The following LAMA2 variants were observed in gnomAD, a reference collection of about 807,000 sequenced individuals.
The protein encoded by LAMA2 is laminin subunit alpha-2.
Under a neutral mutation model 364.8 loss-of-function variants are expected in LAMA2, and 269 were observed. The observed-to-expected ratio is 0.74, with a 90% CI of 0.67 to 0.82. The LOEUF is 0.82. Among genes scored for constraint, LAMA2 ranks in the 40% least tolerant of loss-of-function variants. LAMA2 has a pLI of 0.00. For synonymous variants in LAMA2, 1,379 were observed against 1,370.6 expected (o/e 1.01, Z -0.14); for missense variants, 3,807 against 3,873.2 (o/e 0.98, Z 0.45).
At chr6:128,951,945 G>T (rs547008214) in intron 1 of LAMA2, among the ~76,000 whole-genome samples, 1 of 152,098 alleles carries the variant, frequency 6.6e-6, no homozygotes, top group Non-Finnish European at 1.5e-5. Flanking sequence ...CAGGAGGATC[G>T]CTTGAGGCCA....
chr6:129,065,413 C>T (rs1270008339), intron 3 of LAMA2, among the ~76,000 whole-genome samples: 2 of 151,838 alleles, frequency 1.3e-5, no homozygotes, highest in Non-Finnish European at 2.9e-5. Context: ...CCAGAGAAAT[C>T]AGGCAAAAAA....
intron 20 of LAMA2, among the ~76,000 whole-genome samples, chr6:129,293,517 C>G (rs1033290929): frequency 6.6e-6 from 1 of 152,194 alleles, no homozygotes; most frequent in African/African-American, 2.4e-5. Context: ...ATTTCCACAT[C>G]AATTGTGCTT....
At chr6:129,469,726 A>ATT (rs969231042) in intron 51 of LAMA2, among the ~76,000 whole-genome samples, 1 of 151,874 alleles carries the variant, frequency 6.6e-6, no homozygotes, top group Non-Finnish European at 1.5e-5. Context: ...ATATACATAA[A>ATT]TTGTGGTATA....
At chr6:129,284,208 T>C (rs1788936843) in intron 18 of LAMA2, among the ~76,000 whole-genome samples, 1 of 148,850 alleles carries the variant, frequency 6.7e-6, no homozygotes, top group Non-Finnish European at 1.5e-5. Context: ...CGCCTCTTTA[T>C]ACAGCAGCCA....
At chr6:129,436,856 T>C (rs1211862908) in intron 41 of LAMA2, 2 of 152,194 alleles carry the variant, frequency 1.3e-5, no homozygotes, top group Non-Finnish European at 2.9e-5. Flanking sequence ...CGTATTCTTA[T>C]ATTTTCCTCA....
intron 1 of LAMA2, among the ~76,000 whole-genome samples, chr6:129,032,276 T>C (rs539703290): frequency 1.3e-5 from 2 of 152,228 alleles, no homozygotes; most frequent in Non-Finnish European, 2.9e-5. Flanking sequence ...TAGATAATTA[T>C]CATTTAAAAT....
chr6:128,896,052 T>A (rs926528754), intron 1 of LAMA2, among the ~76,000 whole-genome samples: 4 of 152,198 alleles, frequency 2.6e-5, no homozygotes, highest in Non-Finnish European at 5.9e-5. Flanking sequence ...AAGGGCCTCA[T>A]ACTGCTCTGA....
At chr6:129,037,616 G>A (rs1013226685) in intron 1 of LAMA2, among the ~76,000 whole-genome samples, 1 of 151,722 alleles carries the variant, frequency 6.6e-6, no homozygotes, top group Non-Finnish European at 1.5e-5. Flanking sequence ...ATAATAATAT[G>A]CCAAGTACGG....
intron 18 of LAMA2, among the ~76,000 whole-genome samples, chr6:129,280,671 T>C (rs746125625): frequency 2.2e-4 from 33 of 152,218 alleles, no homozygotes; most frequent in Non-Finnish European, 4.3e-4. Context: ...TTGATTTTAC[T>C]GGGTTGCTTT....
chr6:129,476,466 G>A (rs1784071869), intron 53 of LAMA2, among the ~76,000 whole-genome samples: 3 of 152,128 alleles, frequency 2.0e-5, no homozygotes, highest in African/African-American at 7.2e-5. Flanking sequence ...TTGCCTTTGA[G>A]TGGTGACCCT....
chr6:129,438,914 A>C (rs1234416216), intron 42 of LAMA2, 152 bp downstream of exon 42: 39 of 651,990 alleles, frequency 6.0e-5, no homozygotes, highest in Non-Finnish European at 2.8e-6. Flanking sequence ...CTTTGTGAGA[A>C]TGAGAAACTA....
intron 10 of LAMA2, among the ~76,000 whole-genome samples, chr6:129,183,897 C>A (rs1335535000): frequency 6.6e-6 from 1 of 151,770 alleles, no homozygotes; most frequent in Non-Finnish European, 1.5e-5. Context: ...ATGACTCATA[C>A]AAAAGAAAGA....
intron 22 of LAMA2, among the ~76,000 whole-genome samples, chr6:129,311,334 G>A (rs982280882): frequency 9.2e-5 from 14 of 151,940 alleles, no homozygotes; most frequent in Admixed American, 6.6e-5. Flanking sequence ...TGTTAGCCAG[G>A]ACGGTCTCAA....
intron 40 of LAMA2, among the ~76,000 whole-genome samples, chr6:129,406,758 TA>T (rs2114703139): frequency 6.6e-6 from 1 of 152,240 alleles, no homozygotes; most frequent in African/African-American, 2.4e-5. Context: ...ACAGAACTAA[TA>T]GGATAGATGT....
In LAMA2 at chr6:129,383,236, A is replaced by G; in HGVS notation, c.5071+3A>G. Reference sequence around the variant, plus strand: ...GGAGCTTGCCCGGGATGCAGAAGGTATTAGAAAGAATCACATTTTAATCAT... The same window carrying G: ...GGAGCTTGCCCGGGATGCAGAAGGTGTTAGAAAGAATCACATTTTAATCAT... On this transcript the variant is annotated splice_donor_region_variant and intron_variant, in intron 35 of 64. Coordinates refer to ENST00000421865, the MANE Select transcript of LAMA2 (RefSeq NM_000426.4). 6.3e-7 allele frequency: 1 copy of G among 1,595,428 alleles called. No individual in the cohort carries two copies. The highest frequency in any genetic ancestry group is 8.6e-7 in the Non-Finnish European group (1 of 1,164,232).
chr6:129,427,896 G>T (rs777635026), intron 41 of LAMA2, 42 bp downstream of exon 41: 8 of 1,186,690 alleles, frequency 6.7e-6, no homozygotes, highest in African/African-American at 3.0e-5. Flanking sequence ...AGTTAATCGG[G>T]TTGTTACTGA....
chr6:128,962,580 T>G (rs9492159), intron 1 of LAMA2, among the ~76,000 whole-genome samples: 1,681 of 152,244 alleles, frequency 0.011, 31 homozygotes, highest in African/African-American at 0.039. Context: ...TTATTAGAAG[T>G]TAGGTAGTAC....
intron 1 of LAMA2, among the ~76,000 whole-genome samples, chr6:128,958,443 AC>A (rs1467785470): frequency 1.3e-5 from 2 of 152,184 alleles, no homozygotes; most frequent in Non-Finnish European, 2.9e-5. Flanking sequence ...TATTACTCAT[AC>A]AGTCGAAACC....
chr6:128,939,272 G>A (rs1044300054), intron 1 of LAMA2, among the ~76,000 whole-genome samples: 3 of 151,444 alleles, frequency 2.0e-5, no homozygotes, highest in African/African-American at 7.3e-5. Flanking sequence ...TTGTGTCCAT[G>A]ATAGACTTTG....
Sources: gnomAD v4.1 joint callset for allele counts (sites outside exome capture counted in the v4.1 genomes callset) on GRCh38, gnomAD v4.1.1 for gene constraint, MANE v1.5 for transcripts, NCBI Gene and HGNC (gene_info 2026-07-23, HGNC 2026-07-21) for gene names.